Variants in SHC3 observed in about 807,000 individuals in gnomAD.
SHC3 encodes SHC adaptor protein 3.
SHC3 carries 15 observed loss-of-function variants against 60.4 expected under a neutral mutation model. The ratio of observed to expected loss-of-function variants is 0.25; its 90% CI spans 0.17 to 0.38. The LOEUF (loss-of-function observed/expected upper bound fraction) is 0.38, where lower values mean the gene tolerates loss of function less well. Ranked by LOEUF, SHC3 falls within the 10% of genes least tolerant of loss-of-function variation. SHC3 has a pLI of 1.00. For missense variants in SHC3, 677 were observed against 786.1 expected (o/e 0.86, Z 1.66); for synonymous variants, 294 against 325.9 (o/e 0.90, Z 1.05).
intron 1 of SHC3, among the ~76,000 whole-genome samples, chr9:89,152,454 T>G (rs1378858939): frequency 6.6e-6 from 1 of 152,256 alleles, no homozygotes; most frequent in African/African-American, 2.4e-5. Flanking sequence ...AGTTGTGGCT[T>G]GGCAGTCTTA....
chr9:89,049,028 G>T (rs1824819427), intron 7 of SHC3, among the ~76,000 whole-genome samples: 1 of 152,178 alleles, frequency 6.6e-6, no homozygotes. Flanking sequence ...TTGGGAGGCC[G>T]AGAGGGGCGG....
rs188579459 is a variant in SHC3 at position 89,019,609 on chromosome 9, G to C, written c.1657-6034C>G. Among the ~76,000 whole-genome samples the C allele has an allele frequency of 5.3e-5, 8 of 152,114 alleles. No individual in the cohort carries two copies. The East Asian group carries it at 1.5e-3, about 29-fold the overall frequency. The stretch of plus-strand genomic sequence containing the variant: ...AAGTTAATCACTTTCCTATATATCA[G>C]GAATGAACACGTGGAATTTAAAATT... On this transcript the variant is annotated intron_variant, in intron 11 of 11. Transcript: ENST00000375835.
chr9:89,075,068 G>C, intron 4 of SHC3, 41 bp downstream of exon 4: 1 of 1,605,888 alleles, frequency 6.2e-7, no homozygotes, highest in Non-Finnish European at 8.5e-7. Flanking sequence ...CTCATCACCT[G>C]GGGCTGTGGG....
At chr9:89,161,466 A>G (rs992835642) in intron 1 of SHC3, among the ~76,000 whole-genome samples, 1 of 152,194 alleles carries the variant, frequency 6.6e-6, no homozygotes, top group Non-Finnish European at 1.5e-5. Flanking sequence ...TAAATTACCC[A>G]GTCTTGAGTA....
intron 6 of SHC3, among the ~76,000 whole-genome samples, chr9:89,055,363 C>T (rs929107514): frequency 5.3e-5 from 8 of 152,246 alleles, no homozygotes; most frequent in African/African-American, 1.9e-4. Context: ...GCTTGTTCAT[C>T]TAAGCACGCT....
intron 1 of SHC3, among the ~76,000 whole-genome samples, chr9:89,137,192 G>A (rs529834051): frequency 6.6e-5 from 10 of 152,172 alleles, no homozygotes; most frequent in Middle Eastern, 6.8e-3. Flanking sequence ...GAAATTTAGT[G>A]GGGGGACACA....
chr9:89,131,439 G>A (rs1826243234), intron 1 of SHC3, among the ~76,000 whole-genome samples: 1 of 152,128 alleles, frequency 6.6e-6, no homozygotes, highest in Admixed American at 6.6e-5. Flanking sequence ...ACCAAAGCCT[G>A]GCAGAGACAC....
chr9:89,157,786 T>TA (rs1321547652), intron 1 of SHC3, among the ~76,000 whole-genome samples: 3 of 151,898 alleles, frequency 2.0e-5, no homozygotes, highest in African/African-American at 2.4e-5. Context: ...CAGGCTAATT[T>TA]AAAAAAAATT....
intron 2 of SHC3, chr9:89,109,549 T>C: frequency 1.0e-6 from 1 of 985,504 alleles, no homozygotes; most frequent in East Asian, 1.1e-4. Context: ...AGCTGAGTTT[T>C]GCCAAGCCTT....
At chr9:89,148,138 A>AT (rs1826496259) in intron 1 of SHC3, among the ~76,000 whole-genome samples, 1 of 152,186 alleles carries the variant, frequency 6.6e-6, no homozygotes, top group Non-Finnish European at 1.5e-5. Flanking sequence ...TATTTCACTT[A>AT]TTAGCACCAA....
chr9:89,134,328 T>C (rs1338510096), intron 1 of SHC3, among the ~76,000 whole-genome samples: 4 of 152,094 alleles, frequency 2.6e-5, no homozygotes, highest in Non-Finnish European at 4.4e-5. Flanking sequence ...ATTAAAAAAT[T>C]AATTGTTAAA....
chr9:89,165,377 G>C (rs1448049183), intron 1 of SHC3, among the ~76,000 whole-genome samples: 1 of 152,088 alleles, frequency 6.6e-6, no homozygotes, highest in African/African-American at 2.4e-5. Flanking sequence ...AGAGAACTGA[G>C]AGGAAACTTT....
At chr9:89,176,628 T>C (rs976904006) in intron 1 of SHC3, among the ~76,000 whole-genome samples, 7 of 152,196 alleles carry the variant, frequency 4.6e-5, no homozygotes, top group Admixed American at 3.3e-4. Flanking sequence ...ATAATTTAAA[T>C]AAGCAAAACA....
intron 6 of SHC3, among the ~76,000 whole-genome samples, chr9:89,054,987 A>G (rs1236269465): frequency 1.3e-5 from 2 of 152,240 alleles, no homozygotes; most frequent in African/African-American, 4.8e-5. Context: ...CAGCAAAGGG[A>G]CTTTCAAGAG....
chr9:89,067,883 A>T (rs1825209127), intron 5 of SHC3, among the ~76,000 whole-genome samples: 4 of 152,210 alleles, frequency 2.6e-5, no homozygotes, highest in Admixed American at 2.6e-4. Flanking sequence ...AAAGAAGTTT[A>T]TTTTTAATTT....
chr9:89,066,326 C>T (rs1825180516), intron 5 of SHC3, among the ~76,000 whole-genome samples: 1 of 152,144 alleles, frequency 6.6e-6, no homozygotes, highest in East Asian at 1.9e-4. Flanking sequence ...GCAAATGCTG[C>T]CTTCCTGGTG....
chr9:89,153,288 TC>T (rs1337276287), intron 1 of SHC3, among the ~76,000 whole-genome samples: 1 of 152,102 alleles, frequency 6.6e-6, no homozygotes, highest in African/African-American at 2.4e-5. Flanking sequence ...TCATAGGCAA[TC>T]CCCCCAGAAT....
rs1306117247 is a variant in SHC3 at position 89,006,626 on chromosome 9, GTTA to G, written c.*6818_*6820del. 1.3e-5 allele frequency: 2 copies of G among 152,216 alleles called. No individual in the cohort carries two copies. Among genetic ancestry groups the G allele is most frequent in the Non-Finnish European group, 2.9e-5 (2 of 68,040 alleles). The allele number at this position is 152,216 out of a possible 1,614,324, so 9.4% of individuals were successfully genotyped here. ...TTGCCATCCAAATGCTTTTTAAAAA[GTTA>G]TTATCTTATTATTACACATTAAATT... On this transcript the variant is annotated 3_prime_UTR_variant, in exon 12 of 12. Transcript: ENST00000375835.
At chr9:89,037,899 G>T (rs1824608707) in intron 11 of SHC3, 94 bp downstream of exon 11, 2 of 1,467,082 alleles carry the variant, frequency 1.4e-6, no homozygotes, top group South Asian at 2.6e-5. Context: ...GTGGATAGAG[G>T]TGGGAATGTG....
Sources: allele counts gnomAD v4.1 joint callset (sites outside exome capture counted in the v4.1 genomes callset), GRCh38; gene constraint gnomAD v4.1.1; transcripts MANE v1.5; gene names NCBI Gene and HGNC (gene_info 2026-07-23, HGNC 2026-07-21).